ASMTL: variants seen among roughly 807,000 people sequenced by gnomAD.
ASMTL encodes acetylserotonin O-methyltransferase like, also known as probable bifunctional dTTP/UTP pyrophosphatase/methyltransferase protein.
Under a neutral mutation model 60.3 loss-of-function variants are expected in ASMTL, and 57 were observed. That is an observed-to-expected ratio of 0.95 (90% CI 0.76 to 1.18). ASMTL has a LOEUF of 1.18. Among genes scored for constraint, ASMTL ranks in the 50% most tolerant of loss-of-function variants. The pLI is 0.00. For missense variants in ASMTL, 981 were observed against 852.6 expected (o/e 1.15, Z -1.88); for synonymous variants, 419 against 373.0 (o/e 1.12, Z -1.42).
At chrX:1,420,088 C>T (rs2090437955) in intron 9 of ASMTL, among the ~76,000 whole-genome samples, 1 of 151,784 alleles carries the variant, frequency 6.6e-6, no homozygotes, top group South Asian at 2.1e-4. Flanking sequence ...CTATCTCTGT[C>T]TCTCCAAGCC....
At chrX:1,435,520 A>G in intron 4 of ASMTL, 174 bp downstream of exon 4, 2 of 674,376 alleles carry the variant, frequency 3.0e-6, no homozygotes, top group South Asian at 3.4e-5. Flanking sequence ...AAGGATGAGC[A>G]TGGAGGGATA....
At chrX:1,418,889 G>C (rs1412033504) in intron 10 of ASMTL, 93 bp downstream of exon 10, 2 of 1,517,624 alleles carry the variant, frequency 1.3e-6, no homozygotes, top group East Asian at 4.5e-5. Context: ...GTTTGTCAAT[G>C]GAAAAAGGCA....
In ASMTL at chrX:1,435,762, T is replaced by A. The variant is rs28592995; in HGVS notation, c.274-4A>T. On this transcript the variant is annotated splice_polypyrimidine_tract_variant and splice_region_variant and intron_variant, in intron 3 of 12. Transcript: ENST00000381317. ...CCAGAATCAGCCCCCCGACTGTCTG[T>A]GAGAGGAAGGGACAGAGGGAGTTGG... is the stretch of plus-strand genomic sequence containing the variant. 5.6e-6 allele frequency: 9 copies of A among 1,612,460 alleles called. No individual in the cohort carries two copies. Among genetic ancestry groups the A allele is most frequent in the Non-Finnish European group, 7.6e-6 (9 of 1,179,300 alleles).
chrX:1,404,948 T>C (rs1416829274), intron 12 of ASMTL, among the ~76,000 whole-genome samples: 1 of 150,298 alleles, frequency 6.7e-6, no homozygotes, highest in East Asian at 2.0e-4. Context: ...GATGGATGCA[T>C]GGATGAGAGG....
intron 12 of ASMTL, among the ~76,000 whole-genome samples, chrX:1,412,351 T>G (rs147748280): frequency 6.6e-6 from 1 of 151,962 alleles, no homozygotes; most frequent in Middle Eastern, 3.2e-3. Context: ...CCTCAGCCTC[T>G]GAAGTACCTG....
At chrX:1,417,370 CAT>C (rs1400972626) in intron 11 of ASMTL, among the ~76,000 whole-genome samples, 13 of 151,100 alleles carry the variant, frequency 8.6e-5, no homozygotes, top group South Asian at 2.1e-4. Context: ...CTCACAGAAA[CAT>C]ATGCAACCAC....
At chrX:1,417,851 C>T in intron 11 of ASMTL, 122 bp downstream of exon 11, 9 of 1,309,068 alleles carry the variant, frequency 6.9e-6, no homozygotes, top group Admixed American at 2.6e-5. Context: ...CATTTGCACA[C>T]ACATACCCAC....
intron 8 of ASMTL, among the ~76,000 whole-genome samples, chrX:1,422,916 A>G (rs1293732560): frequency 5.9e-5 from 9 of 151,908 alleles, no homozygotes; most frequent in African/African-American, 2.2e-4. Context: ...GGTGATGAAA[A>G]GCCTTTCTCC....
Position 1,451,172 on chromosome X carries a change from C to T in ASMTL, c.93+1576G>A, listed in dbSNP as rs28666795. On this transcript the variant is annotated intron_variant, in intron 1 of 12. Transcript: ENST00000381317. ...TCCTGGGACACTCCTCCCTCCCCAT[C>T]CCTAGGGGGTCCTGGGACACTCCTC... Among the ~76,000 whole-genome samples the T allele has an allele frequency of 9.9e-4, 3 of 3,040 alleles. 1 individual carries two copies. Among genetic ancestry groups the T allele is most frequent in the African/African-American group, 2.8e-3 (3 of 1,070 alleles). 2.0% of individuals were successfully genotyped at this position (3,040 alleles called of 152,430 possible).
At chrX:1,418,924 A>C in intron 10 of ASMTL, 58 bp downstream of exon 10, 1 of 1,607,050 alleles carries the variant, frequency 6.2e-7, no homozygotes, top group Non-Finnish European at 8.5e-7. Flanking sequence ...TGAGCAGGGA[A>C]GATACCTGTG....
intron 1 of ASMTL, among the ~76,000 whole-genome samples, chrX:1,451,534 AG>A (rs1829806934): frequency 4.6e-5 from 5 of 109,710 alleles, no homozygotes; most frequent in African/African-American, 7.1e-5. Flanking sequence ...CCCCATCCCT[AG>A]GGGGTCCCAG....
At chrX:1,433,628 C>T (rs753739141) in intron 5 of ASMTL, among the ~76,000 whole-genome samples, 2 of 151,124 alleles carry the variant, frequency 1.3e-5, no homozygotes, top group Non-Finnish European at 2.9e-5. Flanking sequence ...TGCAGTGAGC[C>T]GAGATGGCGC....
chrX:1,437,124 G>C (rs1163526630), intron 3 of ASMTL, among the ~76,000 whole-genome samples: 1 of 151,092 alleles, frequency 6.6e-6, no homozygotes, highest in African/African-American at 2.4e-5. Flanking sequence ...CCACAGACTG[G>C]GTGGCTTATA....
chrX:1,447,781 AT>A (rs2149349069), intron 1 of ASMTL, among the ~76,000 whole-genome samples: 1 of 151,682 alleles, frequency 6.6e-6, no homozygotes, highest in Non-Finnish European at 1.5e-5. Flanking sequence ...ACACACCGCC[AT>A]CTTGGATAAG....
chrX:1,419,615 G>A (rs1158375195), intron 9 of ASMTL, among the ~76,000 whole-genome samples: 4 of 152,024 alleles, frequency 2.6e-5, no homozygotes, highest in Non-Finnish European at 5.9e-5. Context: ...CACCTACCCC[G>A]GGTCCCAGAG....
At chrX:1,433,278 G>C (rs2090859057) in intron 5 of ASMTL, among the ~76,000 whole-genome samples, 1 of 151,950 alleles carries the variant, frequency 6.6e-6, no homozygotes, top group Admixed American at 6.6e-5. Context: ...TTTGGAAAGG[G>C]CAGGCTTTGG....
intron 11 of ASMTL, among the ~76,000 whole-genome samples, chrX:1,416,311 A>G (rs2149286033): frequency 7.6e-6 from 1 of 131,942 alleles, no homozygotes; most frequent in South Asian, 2.8e-4. Context: ...GCAGACATGC[A>G]CAGCTGGACA....
chrX:1,443,604 ACCG>A (rs2091168422), intron 1 of ASMTL, among the ~76,000 whole-genome samples: 3 of 145,592 alleles, frequency 2.1e-5, no homozygotes, highest in African/African-American at 5.3e-5. Flanking sequence ...TTGGACAGAC[ACCG>A]CCATCGTGGA....
At chrX:1,422,519 C>T (rs1314633447) in intron 8 of ASMTL, among the ~76,000 whole-genome samples, 1 of 152,044 alleles carries the variant, frequency 6.6e-6, no homozygotes, top group African/African-American at 2.4e-5. Flanking sequence ...CATTCTCCAC[C>T]CACTTCATGC....
Sources: allele counts gnomAD v4.1 joint callset (sites outside exome capture counted in the v4.1 genomes callset), GRCh38; gene constraint gnomAD v4.1.1; transcripts MANE v1.5; gene names NCBI Gene and HGNC (gene_info 2026-07-23, HGNC 2026-07-21).